DOCK2: variants seen among roughly 807,000 people sequenced by gnomAD.
DOCK2 encodes the protein dedicator of cytokinesis protein 2.
A neutral mutation model predicts 248.9 loss-of-function variants in DOCK2; 87 were observed. That is an observed-to-expected ratio of 0.35 (90% CI 0.29 to 0.42). DOCK2 has a LOEUF of 0.42. Among genes scored for constraint, DOCK2 ranks in the 10% least tolerant of loss-of-function variants. The probability of loss-of-function intolerance (pLI) is 1.00; values close to 1 mark genes in which losing one functional copy is unlikely to be tolerated. For missense variants in DOCK2, 1,747 were observed against 2,300.2 expected (o/e 0.76, Z 4.92); for synonymous variants, 805 against 821.6 (o/e 0.98, Z 0.35).
intron 22 of DOCK2, among the ~76,000 whole-genome samples, chr5:169,745,830 A>G (rs1763579109): frequency 6.6e-6 from 1 of 152,168 alleles, no homozygotes; most frequent in Non-Finnish European, 1.5e-5. Context: ...ACTCTAGAAT[A>G]TATATGCTGT....
chr5:169,900,481 G>A (rs1773861091), intron 27 of DOCK2, among the ~76,000 whole-genome samples: 2 of 152,188 alleles, frequency 1.3e-5, no homozygotes, highest in South Asian at 4.1e-4. Context: ...AGGAGGCATG[G>A]CATGAAGGAC....
At chr5:169,918,299 A>G (rs898842102) in intron 27 of DOCK2, among the ~76,000 whole-genome samples, 1 of 152,206 alleles carries the variant, frequency 6.6e-6, no homozygotes, top group African/African-American at 2.4e-5. Context: ...TTGTGGTTTG[A>G]GTAATAAATT....
chr5:169,691,970 T>C (rs264828), intron 9 of DOCK2, among the ~76,000 whole-genome samples: 51,974 of 151,746 alleles, frequency 0.34, 12,995 homozygotes, highest in African/African-American at 0.71. Flanking sequence ...ATTCCCCTGC[T>C]TCAGCCTCCC....
chr5:169,920,153 G>A (rs534956215), intron 27 of DOCK2, among the ~76,000 whole-genome samples: 37 of 152,212 alleles, frequency 2.4e-4, no homozygotes, highest in African/African-American at 7.9e-4. Flanking sequence ...GGGTAACACC[G>A]TAGAAGATAG....
intron 8 of DOCK2, among the ~76,000 whole-genome samples, chr5:169,686,491 G>A (rs1197871634): frequency 6.6e-6 from 1 of 152,170 alleles, no homozygotes; most frequent in Non-Finnish European, 1.5e-5. Context: ...AGAGAGAGGA[G>A]GACAAAGGGG....
At chr5:169,983,193 G>A in intron 28 of DOCK2, 27 bp downstream of exon 28, 1 of 1,610,136 alleles carries the variant, frequency 6.2e-7, no homozygotes, top group Non-Finnish European at 8.5e-7. Context: ...CTGGGGGTGA[G>A]GAAGAACTCT....
At chr5:169,808,454 C>T (rs541719424) in intron 26 of DOCK2, among the ~76,000 whole-genome samples, 1 of 152,096 alleles carries the variant, frequency 6.6e-6, no homozygotes, top group Admixed American at 6.5e-5. Flanking sequence ...TCTGCCTTAG[C>T]CTGGCTGTTG....
chr5:169,933,879 C>T (rs1488974253), intron 27 of DOCK2, among the ~76,000 whole-genome samples: 2 of 152,184 alleles, frequency 1.3e-5, no homozygotes, highest in Non-Finnish European at 2.9e-5. Context: ...AGAGCGTGCT[C>T]CAGGGGACAT....
intron 27 of DOCK2, among the ~76,000 whole-genome samples, chr5:169,966,044 A>G (rs554369762): frequency 5.1e-4 from 78 of 152,354 alleles, no homozygotes; most frequent in African/African-American, 1.7e-3. Flanking sequence ...TCCGAAGAGC[A>G]GGAAGTTTTC....
chr5:169,727,427 T>C (rs1299865327), intron 22 of DOCK2, among the ~76,000 whole-genome samples: 1 of 152,108 alleles, frequency 6.6e-6, no homozygotes, highest in African/African-American at 2.4e-5. Context: ...CACACGAATG[T>C]CATGTTTGTG....
chr5:169,830,886 G>T (rs1769183824), intron 26 of DOCK2, among the ~76,000 whole-genome samples: 1 of 152,132 alleles, frequency 6.6e-6, no homozygotes, highest in African/African-American at 2.4e-5. Flanking sequence ...AGACCTGCTG[G>T]GTGTGGGGAA....
chr5:170,047,419 A>G, intron 39 of DOCK2, 91 bp from the exon 40 acceptor site: 5 of 1,077,148 alleles, frequency 4.6e-6, no homozygotes, highest in Non-Finnish European at 5.5e-6. Context: ...TGGCTCTGGT[A>G]TAATGAAAAT....
intron 2 of DOCK2, among the ~76,000 whole-genome samples, chr5:169,663,160 G>T (rs899896203): frequency 2.0e-5 from 3 of 152,226 alleles, no homozygotes; most frequent in African/African-American, 7.2e-5. Context: ...GGCAGCCATT[G>T]AATCATAAAG....
intron 26 of DOCK2, among the ~76,000 whole-genome samples, chr5:169,812,282 T>G (rs1379440029): frequency 6.6e-6 from 1 of 152,016 alleles, no homozygotes; most frequent in Non-Finnish European, 1.5e-5. Context: ...ATGAGAGGAG[T>G]CTAGGGTGCA....
chr5:169,868,293 A>G (rs1771725712), intron 27 of DOCK2, among the ~76,000 whole-genome samples: 1 of 152,212 alleles, frequency 6.6e-6, no homozygotes, highest in South Asian at 2.1e-4. Context: ...AACTACTCCT[A>G]CTTTCCAATT....
At chr5:170,080,345 G>C in intron 50 of DOCK2, 62 bp downstream of exon 50, 1 of 1,599,898 alleles carries the variant, frequency 6.3e-7, no homozygotes, top group Non-Finnish European at 8.5e-7. Context: ...CAGCCTTGTG[G>C]GTGGAGGATG....
At chr5:169,690,115 A>G (rs1289974696) in intron 9 of DOCK2, among the ~76,000 whole-genome samples, 1 of 146,386 alleles carries the variant, frequency 6.8e-6, no homozygotes, top group Non-Finnish European at 1.5e-5. Flanking sequence ...GTGCAGTGGC[A>G]CCATCTCGGC....
intron 27 of DOCK2, among the ~76,000 whole-genome samples, chr5:169,887,561 C>T (rs1773043763): frequency 1.3e-5 from 2 of 152,186 alleles, no homozygotes; most frequent in Non-Finnish European, 2.9e-5. Flanking sequence ...GTACAGATCA[C>T]ACTGTCCTTT....
At chr5:170,039,341 C>T (rs1430573759) in intron 36 of DOCK2, among the ~76,000 whole-genome samples, 1 of 152,196 alleles carries the variant, frequency 6.6e-6, no homozygotes, top group Non-Finnish European at 1.5e-5. Context: ...ATAGACCACT[C>T]CTTCACAACA....
Sources: gnomAD v4.1 joint callset for allele counts (sites outside exome capture counted in the v4.1 genomes callset) on GRCh38, gnomAD v4.1.1 for gene constraint, MANE v1.5 for transcripts, NCBI Gene and HGNC (gene_info 2026-07-23, HGNC 2026-07-21) for gene names.